The following MCOLN2 variants were observed in gnomAD, a reference collection of about 807,000 sequenced individuals.
MCOLN2 encodes mucolipin TRP cation channel 2.
Under a neutral mutation model 67.5 loss-of-function variants are expected in MCOLN2, and 57 were observed. The observed-to-expected ratio is 0.84, with a 90% CI of 0.68 to 1.05. The LOEUF is 1.05. MCOLN2 is among the 50% of genes least tolerant of loss of function. The pLI is 0.00. For synonymous variants in MCOLN2, 246 were observed against 233.3 expected, an observed-to-expected ratio of 1.05 and a Z score of -0.50; for missense variants, 620 against 678.8, an observed-to-expected ratio of 0.91 and a Z score of 0.96.
At chr1:84,962,249 A>C (rs1245707352) in intron 2 of MCOLN2, among the ~76,000 whole-genome samples, 1 of 152,248 alleles carries the variant, frequency 6.6e-6, no homozygotes, top group African/African-American at 2.4e-5. Context: ...TTTGTTATTT[A>C]AAGTAAAATT....
chr1:84,926,719 T>C lies in MCOLN2; in HGVS notation c.1667A>G (p.Lys556Arg). 1 of 1,594,688 alleles carries C rather than the reference T, an allele frequency of 6.3e-7. No individual in the cohort carries two copies. The highest frequency in any genetic ancestry group is 8.6e-7 in the Non-Finnish European group (1 of 1,168,130). ...FLSCICCRRR[K>R]RSDDHLIPIS ...AGGTATCAAGTGATCATCACTTCTT[T>C]TCCTGTAACAGAAAGGGAAAGAAGA... is the stretch of plus-strand genomic sequence containing the variant. Residue 556 changes from lysine to arginine, a missense_variant and splice_region_variant, in exon 14 of 14, where the codon AAA (lysine) becomes AGA (arginine). Physicochemically the swap from Lys to Arg is conservative, Grantham distance 26. Coordinates refer to ENST00000370608, the MANE Select transcript of MCOLN2 (RefSeq NM_153259.4).
intron 7 of MCOLN2, among the ~76,000 whole-genome samples, chr1:84,943,511 C>T (rs1036767564): frequency 3.3e-5 from 5 of 151,970 alleles, no homozygotes; most frequent in Non-Finnish European, 5.9e-5. Context: ...GACAGGCGAC[C>T]CTCAGAGAAC....
chr1:84,956,168 A>C (rs530978865), intron 4 of MCOLN2, among the ~76,000 whole-genome samples: 2 of 152,140 alleles, frequency 1.3e-5, no homozygotes, highest in South Asian at 4.1e-4. Context: ...AAAAAACAAA[A>C]AACAGGACCT....
In MCOLN2 at chr1:84,946,923, C is replaced by T. The variant is rs112271759; in HGVS notation, c.847+110G>A. ...TCTTTACAGGATCTAATGCTCGAGGCGGTTTTCTTCCTATTATCATGCAAA... is the reference window on the plus strand; with the variant it reads ...TCTTTACAGGATCTAATGCTCGAGGTGGTTTTCTTCCTATTATCATGCAAA... On this transcript the variant is annotated intron_variant, in intron 7 of 13. Transcript: ENST00000370608. The T allele has an allele frequency of 7.4e-4, 451 of 607,222 alleles. 2 individuals are homozygous for T. The African/African-American group carries it at 7.7e-3, about 10-fold the overall frequency. The allele number at this position is 607,222 out of a possible 1,614,324, so 37.6% of individuals were successfully genotyped here. A position where few individuals can be genotyped will look rare whatever the true frequency, so the allele number is the denominator to read the frequency against.
At chr1:84,995,764 C>T (rs1180494821) in intron 1 of MCOLN2, among the ~76,000 whole-genome samples, 2 of 151,716 alleles carry the variant, frequency 1.3e-5, no homozygotes, top group African/African-American at 2.4e-5. Context: ...GTTCTTCTCA[C>T]TTGCTTCATT....
intron 1 of MCOLN2, among the ~76,000 whole-genome samples, chr1:84,967,340 T>A (rs1251789855): frequency 6.6e-6 from 1 of 152,220 alleles, no homozygotes; most frequent in Non-Finnish European, 1.5e-5. Context: ...TTAGGAAGTA[T>A]CTTGATGGTA....
At chr1:84,951,827 T>C (rs1346868113) in intron 6 of MCOLN2, among the ~76,000 whole-genome samples, 3 of 152,038 alleles carry the variant, frequency 2.0e-5, no homozygotes, top group South Asian at 2.1e-4. Context: ...AATCCCAGCA[T>C]TTTGGGAGGC....
chr1:84,957,916 G>C (rs1011084081), intron 3 of MCOLN2, among the ~76,000 whole-genome samples: 1 of 152,150 alleles, frequency 6.6e-6, no homozygotes, highest in African/African-American at 2.4e-5. Flanking sequence ...GAATGAAAAA[G>C]AGCAGGAACA....
intron 2 of MCOLN2, 123 bp downstream of exon 2, chr1:84,965,426 T>C (rs1445096265): frequency 1.7e-5 from 17 of 992,638 alleles, no homozygotes; most frequent in Non-Finnish European, 2.5e-5. Context: ...CCAGAGTCAA[T>C]ATAATTTTAG....
chr1:84,940,862 T>G lies in MCOLN2; in HGVS notation c.960+17A>C. 2 of 1,569,190 alleles carry G rather than the reference T, an allele frequency of 1.3e-6. No homozygotes were observed. The highest frequency in any genetic ancestry group is 1.7e-6 in the Non-Finnish European group (2 of 1,143,552). ...GCAGGCCAAGAGGGCAGGAAGAGAA[T>G]GCGAACACACTCTTACCTTCCGTAA... is the stretch of plus-strand genomic sequence containing the variant. On this transcript the variant is annotated intron_variant, in intron 8 of 13. Transcript: ENST00000370608.
intron 7 of MCOLN2, among the ~76,000 whole-genome samples, chr1:84,946,131 G>A (rs150081399): frequency 2.0e-5 from 3 of 152,196 alleles, no homozygotes; most frequent in Admixed American, 6.5e-5. Context: ...AGCGGTTGCT[G>A]TCTGGGCTCT....
At chr1:84,978,707 G>C (rs1650111831) in intron 1 of MCOLN2, among the ~76,000 whole-genome samples, 1 of 152,050 alleles carries the variant, frequency 6.6e-6, no homozygotes. Context: ...GTAACAGGAA[G>C]TCTCCCAGCA....
chr1:84,939,180 C>G (rs1443661843), intron 9 of MCOLN2, among the ~76,000 whole-genome samples: 4 of 152,160 alleles, frequency 2.6e-5, no homozygotes, highest in Admixed American at 2.6e-4. Context: ...GACATTCCTG[C>G]CCTCACCCCA....
intron 7 of MCOLN2, among the ~76,000 whole-genome samples, chr1:84,945,272 A>G (rs1442294254): frequency 6.6e-6 from 1 of 152,244 alleles, no homozygotes; most frequent in Non-Finnish European, 1.5e-5. Context: ...TTTGATCTTT[A>G]TAATGATATT....
intron 1 of MCOLN2, among the ~76,000 whole-genome samples, chr1:84,970,390 C>G (rs923507570): frequency 6.6e-6 from 1 of 151,764 alleles, no homozygotes; most frequent in Non-Finnish European, 1.5e-5. Flanking sequence ...AGAATACTGG[C>G]CAGGCATGGT....
chr1:84,955,166 A>AG (rs1356751756), intron 4 of MCOLN2, among the ~76,000 whole-genome samples: 1 of 152,164 alleles, frequency 6.6e-6, no homozygotes, highest in Non-Finnish European at 1.5e-5. Context: ...CACCATGTAA[A>AG]GAAGGATGTG....
rs760861068 is a variant in MCOLN2 at position 84,956,442 on chromosome 1, T to A, written c.554A>T (p.Asp185Val). The A allele has an allele frequency of 1.2e-6, 2 of 1,611,460 alleles. No homozygotes were observed. The highest frequency in any genetic ancestry group is 2.2e-5 in the South Asian group (2 of 90,180). ...TATCACTGCATTACCGAGCTCAACG[T>A]CGTTGTCAATATTCAGTGTCTCATT... ...PSNETLNIDN[D>V]VELDCVQLDL... The change falls in exon 4 of 14, where the codon GAC (aspartate) becomes GTC (valine). Residue 185 changes from aspartate (D) to valine (V), a missense_variant. Transcript: ENST00000370608.
intron 1 of MCOLN2, among the ~76,000 whole-genome samples, chr1:84,985,225 A>T (rs1650447383): frequency 1.3e-5 from 2 of 152,206 alleles, no homozygotes; most frequent in South Asian, 4.1e-4. Context: ...TAAAATGCTC[A>T]GGGTAAACCA....
In MCOLN2 at chr1:84,951,867, G is replaced by A. The variant is rs560288936; in HGVS notation, c.747+376C>T. Among the ~76,000 whole-genome samples the A allele has an allele frequency of 8.5e-5, 13 of 152,308 alleles. No homozygotes were observed. The South Asian group carries it at 2.7e-3, about 32-fold the overall frequency. On this transcript the variant is annotated intron_variant, in intron 6 of 13. Transcript: ENST00000370608. ...GCAGGCAGATCACTTGAGGCCAGGA[G>A]TTCGAGACCAGCCTGGCCAACATGG...
Sources: allele counts gnomAD v4.1 joint callset (sites outside exome capture counted in the v4.1 genomes callset), GRCh38; gene constraint gnomAD v4.1.1; transcripts MANE v1.5; gene names NCBI Gene and HGNC (gene_info 2026-07-23, HGNC 2026-07-21).